DDX19B: variants seen among roughly 807,000 people sequenced by gnomAD.
DDX19B encodes DEAD-box helicase 19B, also known as ATP-dependent RNA helicase DDX19B.
A neutral mutation model predicts 58.1 loss-of-function variants in DDX19B; 27 were observed. The ratio of observed to expected loss-of-function variants is 0.46; its 90% confidence interval spans 0.34 to 0.64. The LOEUF (loss-of-function observed/expected upper bound fraction) is 0.64. Among genes scored for constraint, DDX19B ranks in the 30% least tolerant of loss-of-function variants. The pLI is 0.01. For missense variants in DDX19B, 399 were observed against 596.5 expected, an observed-to-expected ratio of 0.67 and a Z score of 3.45; for synonymous variants, 187 against 214.4, an observed-to-expected ratio of 0.87 and a Z score of 1.12.
At chr16:70,295,088 A>G (rs1385868844), upstream of DDX19B, 2 of 1,274,722 alleles carry the variant, frequency 1.6e-6, no homozygotes, top group Admixed American at 4.0e-5. Flanking sequence ...CTGTGATTTC[A>G]GGGGAAACTG....
intron 1 of DDX19B, among the ~76,000 whole-genome samples, chr16:70,309,797 G>A (rs1395661667): frequency 9.5e-6 from 1 of 104,720 alleles, no homozygotes; most frequent in Non-Finnish European, 1.8e-5. Flanking sequence ...TAGCCTGGGC[G>A]ACAGGGCAAG....
rs550724322 is a variant in DDX19B at position 70,312,589 on chromosome 16, C to G, written c.58-20C>G. ...GTGCTTTTCCTGACACTTTCCCCCT[C>G]CCCCATATTCTCCATTTAGTTGAGC... is the stretch of plus-strand genomic sequence containing the variant. On this transcript the variant is annotated intron_variant, in intron 1 of 11. Coordinates refer to ENST00000288071, the MANE Select transcript of DDX19B (RefSeq NM_007242.7). 1 of 1,610,718 alleles carries G rather than the reference C, an allele frequency of 6.2e-7. No individual in the cohort carries two copies. Among genetic ancestry groups the G allele is most frequent in the South Asian group, 1.1e-5 (1 of 90,724 alleles).
At chr16:70,323,777 G>C (rs1240210864) in intron 5 of DDX19B, among the ~76,000 whole-genome samples, 1 of 152,058 alleles carries the variant, frequency 6.6e-6, no homozygotes, top group African/African-American at 2.4e-5. Flanking sequence ...CTTGGTTCTT[G>C]CCACTCTTAC....
upstream of DDX19B, chr16:70,295,030 G>T: frequency 7.5e-7 from 1 of 1,330,018 alleles, no homozygotes; most frequent in African/African-American, 1.5e-5. Context: ...TCGGCCCAAG[G>T]TCTTAGCCTT....
chr16:70,314,384 C>T (rs564882063), intron 2 of DDX19B, among the ~76,000 whole-genome samples: 2 of 151,920 alleles, frequency 1.3e-5, no homozygotes, highest in Admixed American at 1.3e-4. Context: ...CAACAGAGGC[C>T]GGGCGCGGTA....
upstream of DDX19B, among the ~76,000 whole-genome samples, chr16:70,296,797 C>T (rs867697088): frequency 1.6e-4 from 25 of 152,284 alleles, no homozygotes; most frequent in Middle Eastern, 3.4e-3. Context: ...AAAAAATAAT[C>T]ATAGCAAGTA....
At chr16:70,305,193 C>G (rs77476190) in intron 1 of DDX19B, among the ~76,000 whole-genome samples, 1,810 of 152,232 alleles carry the variant, frequency 0.012, 29 homozygotes, top group African/African-American at 0.041. Context: ...ACTTTCCTCC[C>G]GGTCTGGCCA....
At chr16:70,312,312 AAG>A (rs1261498283) in intron 1 of DDX19B, among the ~76,000 whole-genome samples, 2 of 152,232 alleles carry the variant, frequency 1.3e-5, no homozygotes, top group Admixed American at 6.5e-5. Flanking sequence ...ATATTCTACA[AAG>A]AGAGAAAGTT....
At chr16:70,308,398 A>AT (rs201693238) in intron 1 of DDX19B, among the ~76,000 whole-genome samples, 1,864 of 150,020 alleles carry the variant, frequency 0.012, 30 homozygotes, top group African/African-American at 0.043. Context: ...CACCTGGCTA[A>AT]TTTTTTTTAT....
At chr16:70,300,997 T>C (rs1329895641) in intron 1 of DDX19B, among the ~76,000 whole-genome samples, 1 of 152,178 alleles carries the variant, frequency 6.6e-6, no homozygotes, top group Non-Finnish European at 1.5e-5. Flanking sequence ...CCATTTCTCC[T>C]AGGCCTTTAA....
intron 7 of DDX19B, among the ~76,000 whole-genome samples, chr16:70,328,450 C>G (rs927343399): frequency 3.3e-5 from 5 of 149,946 alleles, no homozygotes; most frequent in African/African-American, 1.2e-4. Flanking sequence ...GCAACCTCCG[C>G]CTCCTGGGTT....
In DDX19B at chr16:70,333,494, G is replaced by T. The variant is rs762414521; in HGVS notation, c.1379-27G>T. On this transcript the variant is annotated intron_variant, in intron 11 of 11. Transcript: ENST00000288071. ...AAGATGGGGCACATTCCTGGGCAGGGTAGAGACCTGTGTATCTTTCCCCCA... is the reference window on the plus strand; with the variant it reads ...AAGATGGGGCACATTCCTGGGCAGGTTAGAGACCTGTGTATCTTTCCCCCA... 6.8e-6 allele frequency: 11 copies of T among 1,613,908 alleles called. 1 individual carries two copies. The highest frequency in any genetic ancestry group is 8.5e-6 in the Non-Finnish European group (10 of 1,179,876).
chr16:70,294,952 C>T, upstream of DDX19B: 12 of 1,471,544 alleles, frequency 8.2e-6, no homozygotes, highest in Non-Finnish European at 9.8e-6. Flanking sequence ...CAGACCCTTT[C>T]CTCCCACGTT....
intron 6 of DDX19B, 151 bp from the exon 7 acceptor site, chr16:70,325,423 T>C (rs1963088296): frequency 4.9e-6 from 3 of 606,732 alleles, no homozygotes; most frequent in Non-Finnish European, 8.7e-6. Flanking sequence ...AGCTTATGAC[T>C]CTGTAGCTTA....
chr16:70,301,138 T>C (rs1961466090), intron 1 of DDX19B, among the ~76,000 whole-genome samples: 2 of 152,190 alleles, frequency 1.3e-5, no homozygotes, highest in South Asian at 2.1e-4. Flanking sequence ...GTCTTTTGGA[T>C]CTCTTGGATC....
intron 1 of DDX19B, among the ~76,000 whole-genome samples, chr16:70,302,062 A>C (rs1961517676): frequency 6.6e-6 from 1 of 151,980 alleles, no homozygotes; most frequent in South Asian, 2.1e-4. Flanking sequence ...CTGGGATTAC[A>C]GGCATGTGCC....
At chr16:70,315,915 G>T in intron 3 of DDX19B, 54 bp from the exon 4 acceptor site, 1 of 1,589,040 alleles carries the variant, frequency 6.3e-7, no homozygotes, top group Non-Finnish European at 8.6e-7. Context: ...TAGAGTAAAC[G>T]CCTGGTAGGT....
chr16:70,330,175 G>C (rs1339962811), intron 9 of DDX19B, 107 bp downstream of exon 9: 2 of 1,337,996 alleles, frequency 1.5e-6, no homozygotes, highest in African/African-American at 2.9e-5. Context: ...AAACGAAGTG[G>C]TTTGTTCTCC....
chr16:70,325,563 T>C lies in DDX19B; in HGVS notation c.493-11T>C, dbSNP rs1182521663. ...GTCTTGAATTTGCACTCTGCATTCT[T>C]TTCCTGCCAGTGTCTATGTCTCTCC... On this transcript the variant is annotated splice_polypyrimidine_tract_variant and intron_variant, in intron 6 of 11. Transcript: ENST00000288071. 2 of 1,601,292 alleles carry C rather than the reference T, an allele frequency of 1.2e-6. No homozygotes were observed. The highest frequency in any genetic ancestry group is 1.1e-5 in the South Asian group (1 of 90,448).
Sources: gnomAD v4.1 joint callset for allele counts (sites outside exome capture counted in the v4.1 genomes callset) on GRCh38, gnomAD v4.1.1 for gene constraint, MANE v1.5 for transcripts, NCBI Gene and HGNC (gene_info 2026-07-23, HGNC 2026-07-21) for gene names.